The following PCDHGB5 variants were observed in gnomAD, a reference collection of about 807,000 sequenced individuals.
PCDHGB5 encodes the protein protocadherin gamma-B5.
Under a neutral mutation model 62.9 loss-of-function variants are expected in PCDHGB5, and 48 were observed. That is an observed-to-expected ratio of 0.76 (90% CI 0.61 to 0.97). The LOEUF is 0.97. Among genes scored for constraint, PCDHGB5 ranks in the 50% least tolerant of loss-of-function variants. The probability of loss-of-function intolerance (pLI) is 0.00; values close to 1 mark genes in which losing one functional copy is unlikely to be tolerated. For synonymous variants in PCDHGB5, 474 were observed against 511.2 expected (o/e 0.93, Z 0.98); for missense variants, 1,118 against 1,198.6 (o/e 0.93, Z 0.99).
chr5:141,447,433 C>G (rs756021616), intron 1 of PCDHGB5, among the ~76,000 whole-genome samples: 1 of 152,118 alleles, frequency 6.6e-6, no homozygotes. Context: ...CCACCGCACC[C>G]GGAGGAAATT....
chr5:141,454,142 C>T (rs2098782408), intron 1 of PCDHGB5, among the ~76,000 whole-genome samples: 1 of 152,222 alleles, frequency 6.6e-6, no homozygotes, highest in Non-Finnish European at 1.5e-5. Context: ...GGAATGTTCA[C>T]ACTGCTACTT....
rs576983336 is a variant in PCDHGB5, at chr5:141,489,165, G to A, written c.2398-5642G>A. 5.8e-4 allele frequency: 625 copies of A among 1,082,080 alleles called. 8 individuals are homozygous for A. The South Asian group carries it at 7.9e-3, about 14-fold the overall frequency. The allele number at this position is 1,082,080 out of a possible 1,614,324, so 67.0% of individuals were successfully genotyped here. On this transcript the variant is annotated intron_variant, in intron 1 of 3. Transcript: ENST00000617380. The surrounding 1 kb of genome is among the most constrained non-coding windows in gnomAD (Gnocchi z 4.5). ...GAAGGAGACATAAGAGACTTCAGCT[G>A]CTGCATTCCAAGCCCTGGGTCTACC...
intron 2 of PCDHGB5, among the ~76,000 whole-genome samples, chr5:141,502,135 G>A (rs1254187943): frequency 6.6e-6 from 1 of 152,154 alleles, no homozygotes; most frequent in East Asian, 1.9e-4. Context: ...GAGCTCAGTC[G>A]GGCCGGAAGT....
At chr5:141,408,055 C>CCGG in intron 1 of PCDHGB5, 1 of 1,299,130 alleles carries the variant, frequency 7.7e-7, no homozygotes, top group South Asian at 1.6e-5. Flanking sequence ...ACAGAGCCTC[C>CCGG]CGGCTGCGCA....
At chr5:141,422,229 G>C in intron 1 of PCDHGB5, 4 of 1,565,880 alleles carry the variant, frequency 2.6e-6, no homozygotes, top group Non-Finnish European at 3.4e-6. Flanking sequence ...CCACGACGAT[G>C]TTGATCACTG....
chr5:141,462,959 G>A lies in PCDHGB5; in HGVS notation c.2398-31848G>A, dbSNP rs188938907. 5.1e-3 allele frequency among the ~76,000 whole-genome samples: 776 copies of A among 152,188 alleles called. 5 individuals are homozygous for A. Among genetic ancestry groups the A allele is most frequent in the Non-Finnish European group, 8.2e-3 (557 of 67,994 alleles). On this transcript the variant is annotated intron_variant, in intron 1 of 3. Transcript: ENST00000617380. ...AAGGCTTGTTTTTAAGCTTTGTTAGGACAGGTCTGTAGTAACTTTTGCCTT... is the reference window on the plus strand; with the variant it reads ...AAGGCTTGTTTTTAAGCTTTGTTAGAACAGGTCTGTAGTAACTTTTGCCTT...
chr5:141,419,119 C>T lies in PCDHGB5; in HGVS notation c.2397+18595C>T. 2.5e-6 allele frequency: 4 copies of T among 1,613,896 alleles called. No individual in the cohort carries two copies. The South Asian group carries it at 3.3e-5, about 13-fold the overall frequency. Reference sequence around the variant, plus strand: ...GGGAGCAGACCCCAGAGTACAACGTCACCATCGCAGCCACAGACAGGGGCA... The same window carrying T: ...GGGAGCAGACCCCAGAGTACAACGTTACCATCGCAGCCACAGACAGGGGCA... On this transcript the variant is annotated intron_variant, in intron 1 of 3. Coordinates refer to ENST00000617380, the MANE Select transcript of PCDHGB5 (RefSeq NM_018925.3).
At chr5:141,469,104 C>G (rs1046234848) in intron 1 of PCDHGB5, among the ~76,000 whole-genome samples, 3 of 151,760 alleles carry the variant, frequency 2.0e-5, no homozygotes, top group Middle Eastern at 3.2e-3. Flanking sequence ...AAGCAAGAAC[C>G]TGTCTCTAAA....
intron 1 of PCDHGB5, chr5:141,409,571 TA>T: frequency 6.2e-7 from 1 of 1,613,932 alleles, no homozygotes; most frequent in Non-Finnish European, 8.5e-7. Flanking sequence ...CCAGACGTCC[TA>T]CGTGGTCCAC....
At chr5:141,433,068 T>G (rs1296504554) in intron 1 of PCDHGB5, 1 of 1,613,900 alleles carries the variant, frequency 6.2e-7, no homozygotes, top group South Asian at 1.1e-5. Context: ...CACCTGATCT[T>G]CCCCCAGCCC....
At position 141,489,397 on chromosome 5, in the gene PCDHGB5, G is replaced by A. The variant is rs1307106048; in HGVS notation, c.2398-5410G>A. 2.5e-6 allele frequency: 4 copies of A among 1,614,058 alleles called. No homozygotes were observed. The highest frequency in any genetic ancestry group is 2.7e-5 in the African/African-American group (2 of 74,914). ...GGTGGGGAATGTTGCTCAGGATCTG[G>A]GCTTAAAGATGACAGATCTGTTGAG... On this transcript the variant is annotated intron_variant, in intron 1 of 3. Transcript: ENST00000617380. This position sits in a 1 kb window ranked among gnomAD's most constrained non-coding sequence, Gnocchi z 4.5.
chr5:141,433,634 G>T (rs2097636752), intron 1 of PCDHGB5, among the ~76,000 whole-genome samples: 1 of 152,078 alleles, frequency 6.6e-6, no homozygotes, highest in Admixed American at 6.5e-5. Flanking sequence ...TTGGGAGTTT[G>T]AGACCAGCCT....
chr5:141,489,375 G>T lies in PCDHGB5; in HGVS notation c.2398-5432G>T. 6.2e-7 allele frequency: 1 copy of T among 1,613,826 alleles called. No homozygotes were observed. Among genetic ancestry groups the T allele is most frequent in the Non-Finnish European group, 8.5e-7 (1 of 1,179,724 alleles). On this transcript the variant is annotated intron_variant, in intron 1 of 3. Transcript: ENST00000617380. This position sits in a 1 kb window ranked among gnomAD's most constrained non-coding sequence, Gnocchi z 4.5. ...AGGAGTCTGAGCCGGGGACGCTGGT[G>T]GGGAATGTTGCTCAGGATCTGGGCT...
At chr5:141,414,883 G>A (rs572616023) in intron 1 of PCDHGB5, 1 of 1,614,176 alleles carries the variant, frequency 6.2e-7, no homozygotes, top group South Asian at 1.1e-5. Context: ...CCTGTACCCC[G>A]CCCTCCCCAC....
In PCDHGB5 at chr5:141,485,429, A is replaced by T. The variant is rs1388904857; in HGVS notation, c.2398-9378A>T. On this transcript the variant is annotated intron_variant, in intron 1 of 3. Transcript: ENST00000617380. This position sits in a 1 kb window ranked among gnomAD's most constrained non-coding sequence, Gnocchi z 5.7. Reference sequence around the variant, plus strand: ...GGATTTGGACAGCGGAGCCCTGCTCATCAAGAACCCAATCGACCGAGAGGC... The same window carrying T: ...GGATTTGGACAGCGGAGCCCTGCTCTTCAAGAACCCAATCGACCGAGAGGC... The T allele has an allele frequency of 6.2e-7, 1 of 1,614,090 alleles. No homozygotes were observed. Among genetic ancestry groups the T allele is most frequent in the Non-Finnish European group, 8.5e-7 (1 of 1,180,052 alleles).
In PCDHGB5 at chr5:141,398,258, G is replaced by T. The variant is rs756489359; in HGVS notation, c.131G>T (p.Gly44Val). ...RYRIPEEMPK[G>V]SVVGNLATDL... The stretch of plus-strand genomic sequence containing the variant: ...AGGATTCCCGAGGAAATGCCCAAGG[G>T]CTCCGTAGTGGGGAACCTCGCCACG... Residue 44 changes from glycine (G) to valine (V), a missense_variant, in exon 1 of 4, where the codon GGC becomes GTC. Gly to Val is a moderately radical substitution (Grantham distance 109). This residue lies in a region of PCDHGB5 where 84 missense variants were observed against 169.5 expected (regional missense o/e 0.50). Coordinates refer to ENST00000617380, the MANE Select transcript of PCDHGB5 (RefSeq NM_018925.3). 3 of 1,454,654 alleles carry T rather than the reference G, an allele frequency of 2.1e-6. No homozygotes were observed. The highest frequency in any genetic ancestry group is 2.8e-6 in the Non-Finnish European group (3 of 1,070,192). 90.1% of individuals were successfully genotyped at this position (1,454,654 alleles called of 1,614,324 possible). A position where few individuals can be genotyped will look rare whatever the true frequency, so the allele number is the denominator to read the frequency against.
intron 1 of PCDHGB5, chr5:141,413,327 A>G (rs200027912): frequency 6.2e-7 from 1 of 1,613,984 alleles, no homozygotes; most frequent in Non-Finnish European, 8.5e-7. Context: ...TTCGTGGGCA[A>G]CATCTCCAAG....
intron 1 of PCDHGB5, among the ~76,000 whole-genome samples, chr5:141,456,621 G>T (rs6885794): frequency 0.55 from 83,339 of 152,038 alleles, 25,195 homozygotes; most frequent in African/African-American, 0.82. Context: ...CTGTAGATTT[G>T]CCTCTTCTTT....
rs2099883762 is a variant in PCDHGB5, at chr5:141,511,396, C to T, written c.*223C>T. 9.8e-7 allele frequency: 1 copy of T among 1,016,834 alleles called. No homozygotes were observed. Among genetic ancestry groups the T allele is most frequent in the South Asian group, 1.7e-5 (1 of 58,996 alleles). The allele number at this position is 1,016,834 out of a possible 1,614,324, so 63.0% of individuals were successfully genotyped here. ...AAGCAGTTCCGCTGGGAACCCCCAT[C>T]CAATCAACTGCTGTACCCATGGGGG... On this transcript the variant is annotated 3_prime_UTR_variant, in exon 4 of 4. Coordinates refer to ENST00000617380, the MANE Select transcript of PCDHGB5 (RefSeq NM_018925.3).
Sources: gnomAD v4.1 joint callset for allele counts (sites outside exome capture counted in the v4.1 genomes callset) on GRCh38, gnomAD v4.1.1 for gene constraint, gnomAD v4.1.1 regional missense constraint, Gnocchi (gnomAD v3.1) non-coding constraint, MANE v1.5 for transcripts, NCBI Gene and HGNC (gene_info 2026-07-23, HGNC 2026-07-21) for gene names.